The following GLCE variants were observed in gnomAD, a reference collection of about 807,000 sequenced individuals.
GLCE encodes glucuronic acid epimerase.
In GLCE, 19 loss-of-function variants were observed where a neutral mutation model predicts 47.9. That is an observed-to-expected ratio of 0.40 (90% CI 0.28 to 0.58). GLCE has a LOEUF of 0.58. Among genes scored for constraint, GLCE ranks in the 20% least tolerant of loss-of-function variants. GLCE has a pLI of 0.48. For synonymous variants in GLCE, 245 were observed against 263.4 expected (o/e 0.93, Z 0.68); for missense variants, 556 against 743.3 (o/e 0.75, Z 2.93).
At chr15:69,226,690 T>C (rs1463889665) in intron 2 of GLCE, among the ~76,000 whole-genome samples, 1 of 151,036 alleles carries the variant, frequency 6.6e-6, no homozygotes, top group Admixed American at 6.6e-5. Flanking sequence ...GGACTTTTAA[T>C]ATAGATTTCA....
At position 69,258,290 on chromosome 15, in the gene GLCE, C is replaced by T. The variant is rs1040664279; in HGVS notation, c.586+1898C>T. Among the ~76,000 whole-genome samples the T allele has an allele frequency of 2.7e-5, 4 of 149,808 alleles. No homozygotes were observed. The East Asian group carries it at 7.8e-4, about 29-fold the overall frequency. On this transcript the variant is annotated intron_variant, in intron 3 of 4. Transcript: ENST00000261858. ...GCGTTGGTTTGCTAAGGATAATGGC[C>T]CCTCGCTCCATCCATATTTCTACAA... is the stretch of plus-strand genomic sequence containing the variant.
At chr15:69,187,535 C>A (rs1316269659) in intron 1 of GLCE, among the ~76,000 whole-genome samples, 2 of 152,260 alleles carry the variant, frequency 1.3e-5, no homozygotes, top group East Asian at 3.9e-4. Flanking sequence ...TTCCCTTTTA[C>A]CCTCAGTGGG....
chr15:69,213,073 C>T (rs1160931304), intron 2 of GLCE, among the ~76,000 whole-genome samples: 1 of 151,810 alleles, frequency 6.6e-6, no homozygotes, highest in Non-Finnish European at 1.5e-5. Context: ...TTGTTTAAAG[C>T]TCTTGAAAAA....
intron 4 of GLCE, among the ~76,000 whole-genome samples, chr15:69,263,267 T>C (rs2053038756): frequency 6.6e-6 from 1 of 152,124 alleles, no homozygotes; most frequent in African/African-American, 2.4e-5. Flanking sequence ...GACTATTTTA[T>C]TGAAGCATAG....
At chr15:69,167,013 C>T (rs564940067) in intron 1 of GLCE, among the ~76,000 whole-genome samples, 2 of 149,990 alleles carry the variant, frequency 1.3e-5, no homozygotes, top group South Asian at 2.1e-4. Context: ...TTCAGGAGTT[C>T]GAGACCAGCC....
At chr15:69,234,802 CTT>C (rs1441823736) in intron 2 of GLCE, among the ~76,000 whole-genome samples, 2 of 152,104 alleles carry the variant, frequency 1.3e-5, no homozygotes, top group Non-Finnish European at 2.9e-5. Flanking sequence ...GCTGGGAAAT[CTT>C]AGTTTAAATC....
At position 69,226,124 on chromosome 15, in the gene GLCE, A is replaced by C. The variant is rs549630613; in HGVS notation, c.-14+15718A>C. Reference sequence around the variant, plus strand: ...TTTTGTTATTAGATACAGTTATTAGACCATCTTGGGATCATGGCGTTTTCT... The same window carrying C: ...TTTTGTTATTAGATACAGTTATTAGCCCATCTTGGGATCATGGCGTTTTCT... On this transcript the variant is annotated intron_variant, in intron 2 of 4. Coordinates refer to ENST00000261858, the MANE Select transcript of GLCE (RefSeq NM_015554.3). 2.6e-5 allele frequency among the ~76,000 whole-genome samples: 4 copies of C among 152,146 alleles called. No individual in the cohort carries two copies. In the South Asian group the frequency reaches 8.3e-4, roughly 31 times the overall value.
chr15:69,180,058 A>T (rs1226826338), intron 1 of GLCE, among the ~76,000 whole-genome samples: 4 of 152,216 alleles, frequency 2.6e-5, no homozygotes, highest in Admixed American at 1.3e-4. Context: ...ATCAAATATT[A>T]AAAAAGGATC....
chr15:69,229,948 G>A (rs1317422602), intron 2 of GLCE, among the ~76,000 whole-genome samples: 4 of 152,122 alleles, frequency 2.6e-5, no homozygotes, highest in Non-Finnish European at 2.9e-5. Context: ...GGTGGCTCAT[G>A]TATGTAATTC....
intron 1 of GLCE, among the ~76,000 whole-genome samples, chr15:69,176,374 A>G (rs1029965679): frequency 2.6e-5 from 4 of 151,320 alleles, no homozygotes; most frequent in Non-Finnish European, 4.4e-5. Flanking sequence ...CAGGTGGGCA[A>G]TACCACACCT....
intron 2 of GLCE, 68 bp downstream of exon 2, chr15:69,210,474 A>G (rs2052215960): frequency 6.6e-6 from 1 of 152,088 alleles, no homozygotes; most frequent in Non-Finnish European, 1.5e-5. Context: ...TAGAATTTAG[A>G]TTGTTTCATT....
intron 2 of GLCE, among the ~76,000 whole-genome samples, chr15:69,218,149 C>CAAAAAA (rs773040702): frequency 2.4e-4 from 13 of 54,604 alleles, no homozygotes; most frequent in African/African-American, 8.2e-4. Flanking sequence ...GAGACTGTCT[C>CAAAAAA]AAAAAAAAAA....
At chr15:69,250,932 G>A (rs1046412934) in intron 2 of GLCE, among the ~76,000 whole-genome samples, 2 of 151,634 alleles carry the variant, frequency 1.3e-5, no homozygotes, top group Non-Finnish European at 2.9e-5. Context: ...TCAGTTAACA[G>A]TCTTCATTTC....
chr15:69,268,584 C>G lies in GLCE; in HGVS notation c.1194C>G (p.Thr398=), dbSNP rs148965152. 2,274 of 1,614,204 alleles carry G rather than the reference C, an allele frequency of 1.4e-3. 2 individuals carry two copies. The highest frequency in any genetic ancestry group is 1.8e-3 in the Non-Finnish European group (2,136 of 1,180,020). The change falls in exon 5 of 5, where the codon ACC becomes ACG. Residue 398 remains threonine, a synonymous_variant. Transcript: ENST00000261858. The part of the protein sequence containing the change: ...KGFLDNITIS[T]TAHMAAFFAA... ...TCCTCGACAACATTACCATCTCTAC[C>G]ACAGCCCACATGGCTGCATTTTTTG...
intron 2 of GLCE, among the ~76,000 whole-genome samples, chr15:69,243,457 G>A (rs2052703133): frequency 6.6e-6 from 1 of 151,056 alleles, no homozygotes; most frequent in African/African-American, 2.4e-5. Context: ...CCGATTTATT[G>A]GCTCGGCTCA....
intron 1 of GLCE, among the ~76,000 whole-genome samples, chr15:69,166,937 C>T (rs1218530461): frequency 2.2e-5 from 3 of 136,462 alleles, no homozygotes; most frequent in Admixed American, 7.6e-5. Context: ...AAAAAAAGGC[C>T]GGGTGCGATG....
At chr15:69,184,269 G>T in intron 1 of GLCE, among the ~76,000 whole-genome samples, 1 of 152,158 alleles carries the variant, frequency 6.6e-6, no homozygotes, top group Admixed American at 6.5e-5. Flanking sequence ...CAATTTAGTT[G>T]TAGCTCTGGG....
At chr15:69,231,377 G>A (rs778798340) in intron 2 of GLCE, among the ~76,000 whole-genome samples, 25 of 150,666 alleles carry the variant, frequency 1.7e-4, no homozygotes, top group Non-Finnish European at 2.5e-4. Context: ...TCCACCTCCC[G>A]GGTTCACGCC....
rs1225749103 is a variant in GLCE at position 69,268,247 on chromosome 15, T to C, written c.857T>C (p.Leu286Pro). ...PETSEGVSLQLGNTKDFIISF... is the reference protein window; with the variant it reads ...PETSEGVSLQPGNTKDFIISF... ...ACCAGTGAAGGTGTATCCTTGCAAC[T>C]GGGAAACACAAAAGATTTTATTATT... Residue 286 changes from leucine (L) to proline (P), a missense_variant, in exon 5 of 5, where the codon CTG becomes CCG. Physicochemically the swap from Leu to Pro is moderately conservative, Grantham distance 98. This residue lies in a region of GLCE where 74 missense variants were observed against 64.4 expected (regional missense o/e 1.15). Coordinates refer to ENST00000261858, the MANE Select transcript of GLCE (RefSeq NM_015554.3). 1.9e-6 allele frequency: 3 copies of C among 1,609,112 alleles called. No homozygotes were observed. Among genetic ancestry groups the C allele is most frequent in the Non-Finnish European group, 8.5e-7 (1 of 1,177,594 alleles).
Sources: allele counts gnomAD v4.1 joint callset (sites outside exome capture counted in the v4.1 genomes callset), GRCh38; gene constraint gnomAD v4.1.1; regional missense constraint gnomAD v4.1.1; transcripts MANE v1.5; gene names NCBI Gene and HGNC (gene_info 2026-07-23, HGNC 2026-07-21).